ROR1: variants seen among roughly 807,000 people sequenced by gnomAD.
ROR1 encodes the protein inactive tyrosine-protein kinase transmembrane receptor ROR1.
A neutral mutation model predicts 78.8 loss-of-function variants in ROR1; 19 were observed. The observed-to-expected ratio is 0.24, with a 90% CI of 0.17 to 0.35. The LOEUF (loss-of-function observed/expected upper bound fraction) is 0.35, where lower values mean the gene tolerates loss of function less well. ROR1 is among the 10% of genes least tolerant of loss of function. The pLI, the probability that ROR1 is intolerant of heterozygous loss-of-function variation, is 1.00. For synonymous variants in ROR1, 386 were observed against 433.6 expected (o/e 0.89, Z 1.36); for missense variants, 917 against 1,177.8 (o/e 0.78, Z 3.24).
chr1:64,090,171 A>G (rs1647184687), intron 4 of ROR1, among the ~76,000 whole-genome samples: 1 of 152,206 alleles, frequency 6.6e-6, no homozygotes, highest in Admixed American at 6.5e-5. Context: ...AGTCTTCTGC[A>G]TATTGAAGAG....
chr1:63,808,993 C>T (rs1301894456), intron 1 of ROR1, among the ~76,000 whole-genome samples: 1 of 152,056 alleles, frequency 6.6e-6, no homozygotes. Flanking sequence ...TAGATGTAGT[C>T]ATCTTGTCAC....
At chr1:64,018,264 C>T (rs1646537161) in intron 2 of ROR1, among the ~76,000 whole-genome samples, 1 of 152,172 alleles carries the variant, frequency 6.6e-6, no homozygotes, top group African/African-American at 2.4e-5. Context: ...ATACAAAGTG[C>T]TTTACCATGG....
intron 1 of ROR1, among the ~76,000 whole-genome samples, chr1:63,779,765 T>TA (rs1321750770): frequency 6.6e-6 from 1 of 152,178 alleles, no homozygotes; most frequent in East Asian, 1.9e-4. Flanking sequence ...GGATTAATGT[T>TA]ATGTGATTGG....
At chr1:63,861,043 T>G (rs1484548863) in intron 1 of ROR1, among the ~76,000 whole-genome samples, 2 of 152,070 alleles carry the variant, frequency 1.3e-5, no homozygotes, top group Non-Finnish European at 2.9e-5. Context: ...CTGATGGAGT[T>G]TTGAGTGAGT....
rs556497678 is a variant in ROR1 at position 64,108,395 on chromosome 1, T to TA, written c.483-28936dup. 6.1e-3 allele frequency: 294 copies of TA among 48,278 alleles called. 36 individuals are homozygous for TA. The highest frequency in any genetic ancestry group is 7.3e-3 in the African/African-American group (92 of 12,564). The allele number at this position is 48,278 out of a possible 1,614,324, so 3.0% of individuals were successfully genotyped here. On this transcript the variant is annotated intron_variant, in intron 4 of 8. Transcript: ENST00000371079. ...ATGGGCGACAGAGTGAGACTCCATC[T>TA]AAAAAAAAAAAAAAAAAAAAAAAAA...
chr1:64,118,738 G>T (rs1210424979), intron 4 of ROR1, among the ~76,000 whole-genome samples: 2 of 151,318 alleles, frequency 1.3e-5, no homozygotes, highest in Admixed American at 1.3e-4. Flanking sequence ...TTTAGGCCTC[G>T]GTAAATCAGA....
intron 5 of ROR1, among the ~76,000 whole-genome samples, chr1:64,138,709 A>T (rs1176737613): frequency 6.6e-6 from 1 of 152,116 alleles, no homozygotes; most frequent in African/African-American, 2.4e-5. Context: ...CAACTGTAGG[A>T]ATAGGTAGTT....
chr1:64,049,661 C>T (rs1242757765), intron 2 of ROR1, 30 bp from the exon 3 acceptor site: 5 of 1,600,230 alleles, frequency 3.1e-6, no homozygotes, highest in Non-Finnish European at 4.3e-6. Flanking sequence ...CTGTCTGCCC[C>T]TCTCACCTGC....
intron 1 of ROR1, among the ~76,000 whole-genome samples, chr1:63,831,194 C>G (rs1644986207): frequency 6.6e-6 from 1 of 152,184 alleles, no homozygotes; most frequent in Non-Finnish European, 1.5e-5. Context: ...GTGGATCTAC[C>G]ATTCTGGGAT....
chr1:64,081,412 T>C (rs1647100416), intron 4 of ROR1, among the ~76,000 whole-genome samples: 1 of 152,176 alleles, frequency 6.6e-6, no homozygotes, highest in African/African-American at 2.4e-5. Context: ...TGGAACATTA[T>C]GTACCCATGA....
intron 1 of ROR1, among the ~76,000 whole-genome samples, chr1:63,823,965 C>G (rs1644938910): frequency 6.6e-6 from 1 of 152,098 alleles, no homozygotes; most frequent in South Asian, 2.1e-4. Context: ...CCAGGCTGGT[C>G]TTGAACTCCT....
chr1:63,837,851 A>G lies in ROR1; in HGVS notation c.91+63343A>G, dbSNP rs182232999. Among the ~76,000 whole-genome samples, 36 of 152,304 alleles carry G rather than the reference A, an allele frequency of 2.4e-4. 2 individuals are homozygous for G. The highest frequency in any genetic ancestry group is 1.0e-3 in the Admixed American group (16 of 15,288). On this transcript the variant is annotated intron_variant, in intron 1 of 8. Coordinates refer to ENST00000371079, the MANE Select transcript of ROR1 (RefSeq NM_005012.4). ...AAAATAAGTATGTATGTAATTGTGT[A>G]TGAGCTAAGTTACTCTTCCTGTCAC...
intron 4 of ROR1, among the ~76,000 whole-genome samples, chr1:64,131,202 G>A (rs530462343): frequency 6.6e-6 from 1 of 152,278 alleles, no homozygotes; most frequent in Admixed American, 6.5e-5. Context: ...CCATCTTGAT[G>A]TGATTTCCTC....
chr1:63,818,927 CA>C (rs1644908417), intron 1 of ROR1, among the ~76,000 whole-genome samples: 2 of 152,002 alleles, frequency 1.3e-5, no homozygotes, highest in South Asian at 4.2e-4. Flanking sequence ...CTCTGCATTT[CA>C]AATTATGCTT....
Position 63,796,058 on chromosome 1 carries a change from G to A in ROR1, c.91+21550G>A, listed in dbSNP as rs563629159. On this transcript the variant is annotated intron_variant, in intron 1 of 8. Transcript: ENST00000371079. ...ACATTCTGTGCTGGAAACTGGGAGA[G>A]AGAGAGTTTAGCTCTTGTCCTGTAT... 4.9e-4 allele frequency among the ~76,000 whole-genome samples: 75 copies of A among 152,320 alleles called. No homozygotes were observed. In the South Asian group the frequency reaches 0.013, roughly 27 times the overall value.
At chr1:63,815,769 G>A (rs1377128661) in intron 1 of ROR1, among the ~76,000 whole-genome samples, 1 of 152,012 alleles carries the variant, frequency 6.6e-6, no homozygotes, top group African/African-American at 2.4e-5. Context: ...GTTCAGGGGT[G>A]AGTATGGAAT....
chr1:63,814,099 C>A (rs1644875723), intron 1 of ROR1, among the ~76,000 whole-genome samples: 1 of 152,186 alleles, frequency 6.6e-6, no homozygotes, highest in Non-Finnish European at 1.5e-5. Flanking sequence ...TTTTGGGAGT[C>A]AGGCAGCTGC....
chr1:63,807,560 T>TAAA (rs1181680388), intron 1 of ROR1, among the ~76,000 whole-genome samples: 1 of 152,242 alleles, frequency 6.6e-6, no homozygotes, highest in East Asian at 1.9e-4. Context: ...GAGCCATTTC[T>TAAA]GGCTGTCCCA....
intron 4 of ROR1, among the ~76,000 whole-genome samples, chr1:64,107,518 T>G (rs1193662411): frequency 6.6e-6 from 1 of 152,192 alleles, no homozygotes; most frequent in Non-Finnish European, 1.5e-5. Flanking sequence ...ATGCAGTACC[T>G]ATTATGTTTC....
Sources: gnomAD v4.1 joint callset for allele counts (sites outside exome capture counted in the v4.1 genomes callset) on GRCh38, gnomAD v4.1.1 for gene constraint, MANE v1.5 for transcripts, NCBI Gene and HGNC (gene_info 2026-07-23, HGNC 2026-07-21) for gene names.